Variants in ZNF652 observed in about 807,000 individuals in gnomAD.
ZNF652 encodes the protein zinc finger protein 652.
In ZNF652, 16 loss-of-function variants were observed where a neutral mutation model predicts 45.2. That is an observed-to-expected ratio of 0.35 (90% CI 0.24 to 0.54). The LOEUF (loss-of-function observed/expected upper bound fraction) is 0.54. Ranked by LOEUF, ZNF652 falls within the 20% of genes least tolerant of loss-of-function variation. The probability of loss-of-function intolerance (pLI) is 0.91; values close to 1 mark genes in which losing one functional copy is unlikely to be tolerated. For missense variants in ZNF652, 614 were observed against 765.6 expected (o/e 0.80, Z 2.34); for synonymous variants, 250 against 260.6 (o/e 0.96, Z 0.39).
At chr17:49,358,599 T>C (rs887817176) in intron 1 of ZNF652, among the ~76,000 whole-genome samples, 1 of 152,230 alleles carries the variant, frequency 6.6e-6, no homozygotes, top group African/African-American at 2.4e-5. Context: ...AAAGTTCACA[T>C]TCTAGTTTAC....
At chr17:49,302,624 ATTAAGT>A (rs1164319079) in intron 5 of ZNF652, among the ~76,000 whole-genome samples, 4 of 152,028 alleles carry the variant, frequency 2.6e-5, no homozygotes, top group Admixed American at 2.0e-4. Flanking sequence ...TGTATAATCT[ATTAAGT>A]TTATCTATGA....
chr17:49,359,672 C>A (rs1289436280), intron 1 of ZNF652, among the ~76,000 whole-genome samples: 1 of 152,036 alleles, frequency 6.6e-6, no homozygotes, highest in Non-Finnish European at 1.5e-5. Context: ...GTAATTTAAA[C>A]AAAAATAGCT....
intron 1 of ZNF652, chr17:49,361,293 C>CG (rs921346774): frequency 3.9e-5 from 6 of 152,012 alleles, no homozygotes; most frequent in Non-Finnish European, 7.4e-5. Context: ...GGAGATGTAA[C>CG]GGGGGTGTCA....
chr17:49,333,545 T>TGAA (rs1453658365), intron 1 of ZNF652, among the ~76,000 whole-genome samples: 1 of 48,114 alleles, frequency 2.1e-5, no homozygotes, highest in Non-Finnish European at 3.7e-5. Context: ...CTGTCTCTAC[T>TGAA]AAAAAAAAAA....
intron 1 of ZNF652, chr17:49,361,349 T>C (rs1347487277): frequency 6.6e-6 from 1 of 152,000 alleles, no homozygotes; most frequent in Non-Finnish European, 1.5e-5. Flanking sequence ...AGAGCCTGAT[T>C]GGAGGGGAGG....
At chr17:49,311,124 ACAAT>A (rs2069705499) in intron 5 of ZNF652, among the ~76,000 whole-genome samples, 184 bp downstream of exon 5, 1 of 152,200 alleles carries the variant, frequency 6.6e-6, no homozygotes, top group African/African-American at 2.4e-5. Context: ...TCTTTTTTAA[ACAAT>A]CAGTTATTAA....
chr17:49,315,329 C>T (rs1165802199), intron 2 of ZNF652, among the ~76,000 whole-genome samples: 2 of 152,152 alleles, frequency 1.3e-5, no homozygotes, highest in Non-Finnish European at 2.9e-5. Context: ...GTGTGAGCCA[C>T]TGCGCCCGGT....
chr17:49,321,536 C>T (rs988526631), intron 1 of ZNF652, among the ~76,000 whole-genome samples: 1 of 147,894 alleles, frequency 6.8e-6, no homozygotes, highest in African/African-American at 2.5e-5. Flanking sequence ...TCCCAAAGTG[C>T]TGGAATTACA....
chr17:49,331,313 G>A (rs1478207357), intron 1 of ZNF652, among the ~76,000 whole-genome samples: 2 of 151,840 alleles, frequency 1.3e-5, no homozygotes, highest in South Asian at 4.1e-4. Flanking sequence ...AGTAGAGACG[G>A]GCTTTCACCG....
At chr17:49,321,422 CTTTTTTTTTTTT>C (rs11350404) in intron 1 of ZNF652, among the ~76,000 whole-genome samples, 2 of 73,246 alleles carry the variant, frequency 2.7e-5, no homozygotes, top group East Asian at 4.1e-4. Context: ...CACCACCACG[CTTTTTTTTTTTT>C]TTTTTTTTTT....
chr17:49,344,043 C>T (rs954105586), intron 1 of ZNF652, among the ~76,000 whole-genome samples: 6 of 151,550 alleles, frequency 4.0e-5, no homozygotes, highest in Admixed American at 1.3e-4. Flanking sequence ...CTAAAAAATA[C>T]AAAAAAAATT....
chr17:49,327,770 TATATATA>T lies in ZNF652; in HGVS notation c.-258-9794_-258-9788del, dbSNP rs1459493115. The stretch of plus-strand genomic sequence containing the variant: ...ATATATATATATATATATATATATA[TATATATA>T]TATTTTTTTTTTTTTTTTTTAGTAG... On this transcript the variant is annotated intron_variant, in intron 1 of 5. Coordinates refer to ENST00000430262, the MANE Select transcript of ZNF652 (RefSeq NM_001145365.3). Among the ~76,000 whole-genome samples the T allele has an allele frequency of 5.5e-3, 26 of 4,750 alleles. 1 individual carries two copies. In the East Asian group the frequency reaches 0.057, roughly 10 times the overall value. 3.1% of individuals were successfully genotyped at this position (4,750 alleles called of 152,430 possible). A position where few individuals can be genotyped will look rare whatever the true frequency, so the allele number is the denominator to read the frequency against.
chr17:49,341,489 C>CA (rs754847307), intron 1 of ZNF652, among the ~76,000 whole-genome samples: 3,315 of 82,028 alleles, frequency 0.04, 230 homozygotes, highest in African/African-American at 0.11. Context: ...CTCATCTCTA[C>CA]AAAAAAAAAA....
chr17:49,328,606 A>C (rs909907517), intron 1 of ZNF652, among the ~76,000 whole-genome samples: 2 of 152,046 alleles, frequency 1.3e-5, no homozygotes, highest in African/African-American at 4.8e-5. Context: ...GCACTTCCCC[A>C]ATCTCTATCT....
At chr17:49,318,160 C>A (rs538040400) in intron 1 of ZNF652, among the ~76,000 whole-genome samples, 177 bp from the exon 2 acceptor site, 1 of 152,178 alleles carries the variant, frequency 6.6e-6, no homozygotes, top group African/African-American at 2.4e-5. Flanking sequence ...TCACTGCAAC[C>A]TCTGCTGCCT....
intron 5 of ZNF652, among the ~76,000 whole-genome samples, chr17:49,306,002 C>A (rs1425493085): frequency 1.3e-5 from 2 of 152,204 alleles, no homozygotes; most frequent in Non-Finnish European, 2.9e-5. Context: ...TTCTCTAAAG[C>A]TAATCCTTCT....
rs940514471 is a variant in ZNF652, at chr17:49,293,497, T to C, written c.*4916A>G. Reference sequence around the variant, plus strand: ...ACTTTTATGGCTTCCATAGAAAGTGTAGAGAGGATCTCTGGTTTGCTTTAT... The same window carrying C: ...ACTTTTATGGCTTCCATAGAAAGTGCAGAGAGGATCTCTGGTTTGCTTTAT... On this transcript the variant is annotated 3_prime_UTR_variant, in exon 6 of 6. Coordinates refer to ENST00000430262, the MANE Select transcript of ZNF652 (RefSeq NM_001145365.3). Among the ~76,000 whole-genome samples the C allele has an allele frequency of 4.6e-5, 7 of 152,144 alleles. No homozygotes were observed. The highest frequency in any genetic ancestry group is 1.7e-4 in the African/African-American group (7 of 41,454).
rs776741941 is a variant in ZNF652, at chr17:49,316,850, T to C, written c.876A>G (p.Gln292=). The change falls in exon 2 of 6, where the codon CAA becomes CAG. Residue 292 remains glutamine, a synonymous_variant. Coordinates refer to ENST00000430262, the MANE Select transcript of ZNF652 (RefSeq NM_001145365.3). ...CCTGAATGTTTTTTTCACAGTCTGT[T>C]TGCTGGTGAAGGGACAGCTCACTTT... ...VLESELSLHQ[Q]TDCEKNIQCV... is the part of the protein sequence containing the mutation. 2 of 1,613,406 alleles carry C rather than the reference T, an allele frequency of 1.2e-6. No individual in the cohort carries two copies. The highest frequency in any genetic ancestry group is 1.7e-6 in the Non-Finnish European group (2 of 1,179,720).
Position 49,293,987 on chromosome 17 carries a change from A to T in ZNF652, c.*4426T>A, listed in dbSNP as rs1281847160. 1.3e-5 allele frequency among the ~76,000 whole-genome samples: 2 copies of T among 152,154 alleles called. No homozygotes were observed. Among genetic ancestry groups the T allele is most frequent in the Non-Finnish European group, 2.9e-5 (2 of 68,000 alleles). ...TTTTTTAGTTTTTTTTTAAAACATT[A>T]AAACCGACCTATCATTCTGTGTTTT... is the stretch of plus-strand genomic sequence containing the variant. On this transcript the variant is annotated 3_prime_UTR_variant, in exon 6 of 6. Coordinates refer to ENST00000430262, the MANE Select transcript of ZNF652 (RefSeq NM_001145365.3).
Sources: gnomAD v4.1 joint callset for allele counts (sites outside exome capture counted in the v4.1 genomes callset) on GRCh38, gnomAD v4.1.1 for gene constraint, MANE v1.5 for transcripts, NCBI Gene and HGNC (gene_info 2026-07-23, HGNC 2026-07-21) for gene names.